Variants in PM20D2 observed in about 807,000 individuals in gnomAD.
The protein encoded by PM20D2 is peptidase M20 domain containing 2.
A neutral mutation model predicts 42.9 loss-of-function variants in PM20D2; 33 were observed. The observed-to-expected ratio is 0.77, with a 90% CI of 0.58 to 1.03. The LOEUF (loss-of-function observed/expected upper bound fraction) is 1.03, where lower values mean the gene tolerates loss of function less well. Ranked by LOEUF, PM20D2 falls within the 50% of genes least tolerant of loss-of-function variation. The pLI is 0.00. For synonymous variants in PM20D2, 250 were observed against 228.2 expected, an observed-to-expected ratio of 1.10 and a Z score of -0.86; for missense variants, 548 against 557.0, an observed-to-expected ratio of 0.98 and a Z score of 0.16.
upstream of PM20D2, chr6:89,145,991 C>A (rs1770519363): frequency 1.7e-6 from 1 of 574,776 alleles, no homozygotes; most frequent in Admixed American, 4.4e-5. Context: ...GCGCCGGGGG[C>A]GGCCCCGGGA....
At chr6:89,122,053 G>A in the PM20D2 span, among the ~76,000 whole-genome samples, 1 of 152,140 alleles carries the variant, frequency 6.6e-6, no homozygotes, top group East Asian at 1.9e-4. Flanking sequence ...TCTATGTTGT[G>A]TTTAAAATAG....
the PM20D2 span, chr6:89,105,484 T>C: frequency 3.7e-6 from 6 of 1,611,838 alleles, no homozygotes; most frequent in Non-Finnish European, 1.7e-6. Context: ...ACCCACTTTC[T>C]ATTGAGGTTA....
the PM20D2 span, among the ~76,000 whole-genome samples, chr6:89,133,278 ATACT>A: frequency 9.9e-5 from 15 of 151,274 alleles, no homozygotes; most frequent in Admixed American, 4.6e-4. Flanking sequence ...ATAAAAGAAC[ATACT>A]TGTGTTCAAA....
intron 2 of PM20D2, 41 bp from the exon 3 acceptor site, chr6:89,153,002 A>G (rs1770906128): frequency 6.6e-7 from 1 of 1,507,950 alleles, no homozygotes; most frequent in East Asian, 2.3e-5. Flanking sequence ...TACTTTAGCA[A>G]TAATAACAAA....
chr6:89,143,074 C>T (rs377625228), upstream of PM20D2, among the ~76,000 whole-genome samples: 321 of 152,254 alleles, frequency 2.1e-3, no homozygotes, highest in Non-Finnish European at 3.5e-3. Flanking sequence ...TTTTTCATTC[C>T]ATTCCTTTTT....
the PM20D2 span, among the ~76,000 whole-genome samples, chr6:89,139,895 T>TC: frequency 6.6e-6 from 1 of 152,288 alleles, no homozygotes; most frequent in African/African-American, 2.4e-5. Context: ...TTATCTCCCT[T>TC]CAAAGCATTC....
At chr6:89,099,403 C>CAT in the PM20D2 span, among the ~76,000 whole-genome samples, 909 of 88,284 alleles carry the variant, frequency 0.01, 13 homozygotes, top group East Asian at 0.055. Context: ...TCTCTCTCTC[C>CAT]ATATATATAT....
In PM20D2 at chr6:89,158,450, T is replaced by C. The variant is rs1317268305; in HGVS notation, c.1038T>C (p.Asn346=). The change falls in exon 5 of 7, where the codon AAT becomes AAC. Residue 346 remains asparagine (N), a synonymous_variant. Transcript: ENST00000275072. ...TCATTTCAGAAGATACAATGTTGAA[T>C]GGCCCTTCAGGTAATTAAGTGTTTT... ...IEFISEDTML[N]GPSGSTDFGN... 1.2e-6 allele frequency: 2 copies of C among 1,601,528 alleles called. No homozygotes were observed. Among genetic ancestry groups the C allele is most frequent in the Non-Finnish European group, 1.7e-6 (2 of 1,177,586 alleles).
chr6:89,112,666 C>T, the PM20D2 span, among the ~76,000 whole-genome samples: 16 of 152,092 alleles, frequency 1.1e-4, 2 homozygotes, highest in Admixed American at 3.9e-4. Flanking sequence ...CCTGCCTTGG[C>T]CTCCCAAAGC....
chr6:89,130,628 CTTT>C, the PM20D2 span, among the ~76,000 whole-genome samples: 1 of 148,228 alleles, frequency 6.7e-6, no homozygotes. Context: ...TCTCCTTGAA[CTTT>C]TTTGTTTTAA....
At chr6:89,135,334 A>T in the PM20D2 span, among the ~76,000 whole-genome samples, 1 of 151,236 alleles carries the variant, frequency 6.6e-6, no homozygotes, top group Non-Finnish European at 1.5e-5. Flanking sequence ...AGTTTCTTTT[A>T]GCTTCATTAT....
chr6:89,104,572 C>T, the PM20D2 span, among the ~76,000 whole-genome samples: 2 of 151,172 alleles, frequency 1.3e-5, no homozygotes, highest in Non-Finnish European at 2.9e-5. Flanking sequence ...TTTCTGCTCA[C>T]TATATATTAT....
the PM20D2 span, among the ~76,000 whole-genome samples, chr6:89,110,742 G>A: frequency 6.6e-6 from 1 of 152,306 alleles, no homozygotes; most frequent in Middle Eastern, 3.4e-3. Context: ...TGGTAGGCTG[G>A]AGGGTATGCC....
At chr6:89,118,021 G>T in the PM20D2 span, 1 of 886,744 alleles carries the variant, frequency 1.1e-6, no homozygotes, top group Non-Finnish European at 1.6e-6. Flanking sequence ...AGCCCCGCCA[G>T]CGCGCAGCCG....
the PM20D2 span, among the ~76,000 whole-genome samples, chr6:89,135,108 A>G: frequency 6.6e-6 from 1 of 151,134 alleles, no homozygotes; most frequent in African/African-American, 2.5e-5. Context: ...GAAGGAGACT[A>G]ACAACTATTG....
chr6:89,144,383 T>G (rs916596183), upstream of PM20D2, among the ~76,000 whole-genome samples: 11 of 152,224 alleles, frequency 7.2e-5, no homozygotes, highest in African/African-American at 2.4e-4. Context: ...GCAGTAAAAT[T>G]TATTCAAAAT....
chr6:89,136,141 A>G, the PM20D2 span, among the ~76,000 whole-genome samples: 4 of 151,108 alleles, frequency 2.6e-5, no homozygotes, highest in Non-Finnish European at 5.9e-5. Flanking sequence ...TGCCCAGTTC[A>G]ACTTTCCCTT....
At chr6:89,128,615 G>A in the PM20D2 span, among the ~76,000 whole-genome samples, 64 of 152,188 alleles carry the variant, frequency 4.2e-4, no homozygotes, top group South Asian at 2.1e-3. Flanking sequence ...TGAAGCATGT[G>A]ATCTTTGTCC....
chr6:89,134,354 A>C, the PM20D2 span, among the ~76,000 whole-genome samples: 1 of 151,094 alleles, frequency 6.6e-6, no homozygotes, highest in Admixed American at 6.6e-5. Context: ...CAAACACTTA[A>C]GTGAACTATG....
Sources: allele counts gnomAD v4.1 joint callset (sites outside exome capture counted in the v4.1 genomes callset), GRCh38; gene constraint gnomAD v4.1.1; transcripts MANE v1.5; gene names NCBI Gene and HGNC (gene_info 2026-07-23, HGNC 2026-07-21).